TMEM74B: variants seen among roughly 807,000 people sequenced by gnomAD.
TMEM74B encodes the protein transmembrane protein 74B.
A neutral mutation model predicts 6.5 loss-of-function variants in TMEM74B; 7 were observed. That is an observed-to-expected ratio of 1.07 (90% CI 0.61 to 2.01). The LOEUF is 2.01. Among genes scored for constraint, TMEM74B ranks in the 30% most tolerant of loss-of-function variants. The pLI, the probability that TMEM74B is intolerant of heterozygous loss-of-function variation, is 0.00. For missense variants in TMEM74B, 342 were observed against 337.0 expected (o/e 1.01, Z -0.12); for synonymous variants, 151 against 151.6 (o/e 1.00, Z 0.03).
Position 1,181,849 on chromosome 20 carries a change from A to C in TMEM74B, c.32-262T>G, listed in dbSNP as rs540932635. Among the ~76,000 whole-genome samples the C allele has an allele frequency of 6.3e-4, 96 of 152,302 alleles. No homozygotes were observed. The highest frequency in any genetic ancestry group is 2.9e-3 in the South Asian group (14 of 4,824). ...CTTCAGTTTCCCCACCTATAAAATA[A>C]TACTACTACTACCCTCTAGTTCGCA... On this transcript the variant is annotated intron_variant, in intron 2 of 2. Transcript: ENST00000429036. The surrounding 1 kb of genome is among the most constrained non-coding windows in gnomAD (Gnocchi z 4.9).
chr20:1,188,479 TACACACACC>T (rs1364103561), upstream of TMEM74B, among the ~76,000 whole-genome samples: 2 of 127,900 alleles, frequency 1.6e-5, no homozygotes, highest in South Asian at 2.5e-4. Flanking sequence ...ACACATACAC[TACACACACC>T]ACACACACTA....
upstream of TMEM74B, among the ~76,000 whole-genome samples, chr20:1,188,172 A>G (rs555441247): frequency 2.0e-4 from 30 of 146,896 alleles, 1 homozygote; most frequent in South Asian, 3.7e-3. Flanking sequence ...ACACACACAC[A>G]CACACACACA....
rs758181160 is a variant in TMEM74B at position 1,181,383 on chromosome 20, G to A, written c.236C>T (p.Thr79Met). The change falls in exon 3 of 3, where the codon ACG (threonine) becomes ATG (methionine). Residue 79 changes from threonine to methionine, a missense_variant. By Grantham distance (81) the Thr-to-Met change is moderately conservative (BLOSUM62 -1). Transcript: ENST00000429036. The surrounding 1 kb of genome is among the most constrained non-coding windows in gnomAD (Gnocchi z 4.9). ...GGGACTGGGTGAGCTGCCCAGTCTCGTGTTCCCAGGGTTCTGGAAATGGGT... is the reference window on the plus strand; with the variant it reads ...GGGACTGGGTGAGCTGCCCAGTCTCATGTTCCCAGGGTTCTGGAAATGGGT... ...HETHFQNPGN[T>M]RLGSSPSPPG... The A allele has an allele frequency of 6.0e-5, 92 of 1,540,556 alleles. 1 individual carries two copies. Among genetic ancestry groups the A allele is most frequent in the South Asian group, 5.0e-5 (4 of 79,404 alleles).
At chr20:1,183,664 T>G (rs1320916577) in intron 2 of TMEM74B, 107 bp downstream of exon 2, 1 of 1,393,736 alleles carries the variant, frequency 7.2e-7, no homozygotes, top group Non-Finnish European at 1.0e-6. Flanking sequence ...GATCCGGAAT[T>G]ACTGTCTCTA....
rs2086947376 is a variant in TMEM74B, at chr20:1,183,871, A to C, written c.-70T>G. The C allele has an allele frequency of 1.3e-6, 2 of 1,576,306 alleles. No individual in the cohort carries two copies. Among genetic ancestry groups the C allele is most frequent in the South Asian group, 1.1e-5 (1 of 88,808 alleles). On this transcript the variant is annotated 5_prime_UTR_variant, in exon 2 of 3. It removes the in-frame stop codon of an upstream open reading frame in the 5' UTR. Transcript: ENST00000429036. ...TCTTCATTTTATCCAGCTGTTTATC[A>C]GCAACCGTGAGCACCTTGAGAGCAG...
intron 2 of TMEM74B, among the ~76,000 whole-genome samples, chr20:1,183,437 T>C (rs758880257): frequency 9.2e-5 from 14 of 152,204 alleles, no homozygotes; most frequent in Non-Finnish European, 1.3e-4. Context: ...TCTGACCTTC[T>C]TGTCAATATG....
At chr20:1,185,772 G>C (rs957548145), upstream of TMEM74B, among the ~76,000 whole-genome samples, 1 of 151,702 alleles carries the variant, frequency 6.6e-6, no homozygotes, top group African/African-American at 2.4e-5. Flanking sequence ...TGCGCCAAGC[G>C]CAGGTGCCTC....
upstream of TMEM74B, among the ~76,000 whole-genome samples, chr20:1,188,898 A>C (rs1461427371): frequency 6.7e-6 from 1 of 148,902 alleles, no homozygotes; most frequent in Admixed American, 6.8e-5. Context: ...TCAGTCCTTG[A>C]GGAGGGGAAC....
chr20:1,182,298 C>T (rs1011939391), intron 2 of TMEM74B, among the ~76,000 whole-genome samples: 1 of 152,070 alleles, frequency 6.6e-6, no homozygotes, highest in Non-Finnish European at 1.5e-5. Flanking sequence ...TGGATACTTC[C>T]CAGCAATGGA....
intron 2 of TMEM74B, among the ~76,000 whole-genome samples, chr20:1,182,535 A>AAAACAGGTTGGGGATGGCG (rs1568495390): frequency 2.0e-5 from 3 of 151,242 alleles, no homozygotes; most frequent in Admixed American, 2.0e-4. Flanking sequence ...TGGGGATGGC[A>AAAACAGGTTGGGGATGGCG]TGGCTAAAAG....
chr20:1,183,703 G>T, intron 2 of TMEM74B, 68 bp downstream of exon 2: 1 of 1,552,632 alleles, frequency 6.4e-7, no homozygotes, highest in Non-Finnish European at 8.9e-7. Context: ...AGATCCCATG[G>T]CATGTATGGG....
chr20:1,181,260 T>G lies in TMEM74B; in HGVS notation c.359A>C (p.Asp120Ala), dbSNP rs2086857614. The G allele has an allele frequency of 6.2e-7, 1 of 1,613,742 alleles. No individual in the cohort carries two copies. The highest frequency in any genetic ancestry group is 1.3e-5 in the African/African-American group (1 of 74,862). The change falls in exon 3 of 3, where the codon GAT becomes GCT. Residue 120 changes from aspartate (D) to alanine (A), a missense_variant. By Grantham distance (126) the Asp-to-Ala change is moderately radical. Coordinates refer to ENST00000429036, the MANE Select transcript of TMEM74B (RefSeq NM_001304748.2). The surrounding 1 kb of genome is among the most constrained non-coding windows in gnomAD (Gnocchi z 4.9). ...AACGAGGGCGGAAACAAAGCCATAA[T>G]CCACCGGGCGGCTCACGGGCTCCAG... Reference protein sequence around the residue: ...PALEPVSRPVDYGFVSALVFL... With the variant: ...PALEPVSRPVAYGFVSALVFL...
At chr20:1,183,510 T>C (rs1411364774) in intron 2 of TMEM74B, among the ~76,000 whole-genome samples, 2 of 152,196 alleles carry the variant, frequency 1.3e-5, no homozygotes, top group Non-Finnish European at 2.9e-5. Flanking sequence ...CAAAGCTCTT[T>C]TCCCTTTACA....
At chr20:1,188,794 A>G (rs896048363), upstream of TMEM74B, among the ~76,000 whole-genome samples, 3 of 152,230 alleles carry the variant, frequency 2.0e-5, no homozygotes, top group Non-Finnish European at 2.9e-5. Context: ...TATGAAATAA[A>G]TATCTATGAG....
intron 2 of TMEM74B, among the ~76,000 whole-genome samples, chr20:1,183,320 G>GTGTGTGTT (rs1568496265): frequency 6.3e-5 from 9 of 143,710 alleles, no homozygotes; most frequent in Non-Finnish European, 1.4e-4. Flanking sequence ...GTGTGTTTGT[G>GTGTGTGTT]TGTGTGTGTG....
rs1009376567 is a variant in TMEM74B, at chr20:1,184,898, C to G, written c.-744G>C. 1.3e-5 allele frequency among the ~76,000 whole-genome samples: 2 copies of G among 152,202 alleles called. No homozygotes were observed. The highest frequency in any genetic ancestry group is 3.9e-4 in the East Asian group (2 of 5,166). On this transcript the variant is annotated 5_prime_UTR_variant, in exon 1 of 3. Coordinates refer to ENST00000429036, the MANE Select transcript of TMEM74B (RefSeq NM_001304748.2). This position sits in a 1 kb window ranked among gnomAD's most constrained non-coding sequence, Gnocchi z 6.0. ...TTGCGCGCAGAAAGCCCCAGCACGC[C>G]GGCTGCCCACCGCGCCCGCTCCCGC...
rs1290549332 is a variant in TMEM74B at position 1,184,010 on chromosome 20, C to T, written c.-147-62G>A. 1.8e-6 allele frequency: 1 copy of T among 555,396 alleles called. No homozygotes were observed. Among genetic ancestry groups the T allele is most frequent in the African/African-American group, 1.9e-5 (1 of 52,198 alleles). The allele number at this position is 555,396 out of a possible 1,614,324, so 34.4% of individuals were successfully genotyped here. On this transcript the variant is annotated intron_variant, in intron 1 of 2. Transcript: ENST00000429036. This position sits in a 1 kb window ranked among gnomAD's most constrained non-coding sequence, Gnocchi z 6.0. ...GTTGGTTGGCTTTTTACTCTTAGCA[C>T]CAAAAACATTTTCCTGAGTGCCCAG...
In TMEM74B at chr20:1,183,316, T is replaced by TTTGTG. The variant is rs2086927065; in HGVS notation, c.31+454_31+455insCACAA. 4.2e-4 allele frequency among the ~76,000 whole-genome samples: 40 copies of TTTGTG among 95,630 alleles called. 1 individual carries two copies. The highest frequency in any genetic ancestry group is 1.4e-3 in the African/African-American group (40 of 28,228). The allele number at this position is 95,630 out of a possible 152,430, so 62.7% of individuals were successfully genotyped here. A position where few individuals can be genotyped will look rare whatever the true frequency, so the allele number is the denominator to read the frequency against. Reference sequence around the variant, plus strand: ...TGTGTGTGTGTGTGTGTGTGTGTGTTTGTGTGTGTGTGTGTGTGTAAATAT... The same window carrying TTTGTG: ...TGTGTGTGTGTGTGTGTGTGTGTGTTTTGTGTGTGTGTGTGTGTGTGTGTAAATAT... On this transcript the variant is annotated intron_variant, in intron 2 of 2. Coordinates refer to ENST00000429036, the MANE Select transcript of TMEM74B (RefSeq NM_001304748.2).
rs757656450 is a variant in TMEM74B at position 1,181,872 on chromosome 20, G to T, written c.32-285C>A. ...TAATACTACTACTACCCTCTAGTTC[G>T]CAAAGCTGGAGTAGGATTGAGATAA... On this transcript the variant is annotated intron_variant, in intron 2 of 2. Coordinates refer to ENST00000429036, the MANE Select transcript of TMEM74B (RefSeq NM_001304748.2). The surrounding 1 kb of genome is among the most constrained non-coding windows in gnomAD (Gnocchi z 4.9). Among the ~76,000 whole-genome samples the T allele has an allele frequency of 6.6e-6, 1 of 152,108 alleles. No individual in the cohort carries two copies. The highest frequency in any genetic ancestry group is 1.5e-5 in the Non-Finnish European group (1 of 68,038).
Sources: allele counts gnomAD v4.1 joint callset (sites outside exome capture counted in the v4.1 genomes callset), GRCh38; gene constraint gnomAD v4.1.1; non-coding constraint Gnocchi (gnomAD v3.1); transcripts MANE v1.5; gene names NCBI Gene and HGNC (gene_info 2026-07-23, HGNC 2026-07-21).